The following TRPV2 variants were observed in gnomAD, a reference collection of about 807,000 sequenced individuals.
TRPV2 encodes the protein transient receptor potential cation channel subfamily V member 2, also known as OTRPC2.
TRPV2 carries 58 observed loss-of-function variants against 91.0 expected under a neutral mutation model. That is an observed-to-expected ratio of 0.64 (90% CI 0.52 to 0.79). The LOEUF (loss-of-function observed/expected upper bound fraction) is 0.79. Among genes scored for constraint, TRPV2 ranks in the 30% least tolerant of loss-of-function variants. The probability of loss-of-function intolerance (pLI) is 0.00; values close to 1 mark genes in which losing one functional copy is unlikely to be tolerated. For missense variants in TRPV2, 807 were observed against 969.6 expected (o/e 0.83, Z 2.23); for synonymous variants, 417 against 414.8 (o/e 1.01, Z -0.06).
At chr17:16,424,639 G>A (rs547337426) in intron 5 of TRPV2, among the ~76,000 whole-genome samples, 1 of 152,214 alleles carries the variant, frequency 6.6e-6, no homozygotes. Context: ...TCTTTATTAA[G>A]AGATAGCCTT....
rs777631418 is a variant in TRPV2, at chr17:16,422,647, A to G, written c.383A>G (p.Lys128Arg). 1 of 1,614,172 alleles carries G rather than the reference A, an allele frequency of 6.2e-7. No homozygotes were observed. The highest frequency in any genetic ancestry group is 2.2e-5 in the East Asian group (1 of 44,880). Residue 128 changes from lysine to arginine, a missense_variant, in exon 4 of 15, where the codon AAG becomes AGG. Lys to Arg is a conservative substitution (Grantham distance 26). Coordinates refer to ENST00000338560, the MANE Select transcript of TRPV2 (RefSeq NM_016113.5). ...TCLMKAVLNL[K>R]DGVNACILPL... Reference sequence around the variant, plus strand: ...CTGATGAAGGCTGTGCTGAACCTTAAGGACGGAGTCAATGCCTGCATTCTG... The same window carrying G: ...CTGATGAAGGCTGTGCTGAACCTTAGGGACGGAGTCAATGCCTGCATTCTG...
chr17:16,433,538 C>A lies in TRPV2; in HGVS notation c.1990-36C>A, dbSNP rs1284608912. The stretch of plus-strand genomic sequence containing the variant: ...TGTGCCTTTGCCCCCAGGCAGGGTC[C>A]CAGGACGTTCTGTCTGATGCATCCT... On this transcript the variant is annotated intron_variant, in intron 12 of 14. Coordinates refer to ENST00000338560, the MANE Select transcript of TRPV2 (RefSeq NM_016113.5). The A allele has an allele frequency of 2.5e-6, 4 of 1,608,974 alleles. No individual in the cohort carries two copies. In the African/African-American group the frequency reaches 4.0e-5, roughly 16 times the overall value.
In TRPV2 at chr17:16,431,721, G is replaced by T. The variant is rs143327564; in HGVS notation, c.1588-63G>T. On this transcript the variant is annotated intron_variant, in intron 10 of 14. Coordinates refer to ENST00000338560, the MANE Select transcript of TRPV2 (RefSeq NM_016113.5). ...AACCATGCTGCTGTGGGTGAGGCAG[G>T]GTTCTGGGGTCGTGACTGGTGGCCC... is the stretch of plus-strand genomic sequence containing the variant. 3.4e-6 allele frequency: 5 copies of T among 1,491,532 alleles called. No homozygotes were observed. In the African/African-American group the frequency reaches 4.2e-5, roughly 12 times the overall value. The allele number at this position is 1,491,532 out of a possible 1,614,324, so 92.4% of individuals were successfully genotyped here.
rs1211859492 is a variant in TRPV2 at position 16,428,994 on chromosome 17, G to T, written c.1587+12G>T. 3 of 1,613,674 alleles carry T rather than the reference G, an allele frequency of 1.9e-6. No individual in the cohort carries two copies. The highest frequency in any genetic ancestry group is 1.3e-5 in the African/African-American group (1 of 74,914). ...TCATGATCCAGAAGGTGAGAGAAGG[G>T]GGTGGCCCACCGGGACTCTTTTGGC... On this transcript the variant is annotated intron_variant, in intron 10 of 14. Transcript: ENST00000338560.
chr17:16,422,024 G>A (rs890831913), intron 3 of TRPV2, among the ~76,000 whole-genome samples: 6 of 151,766 alleles, frequency 4.0e-5, no homozygotes, highest in East Asian at 2.0e-4. Context: ...TAGTTTCTAA[G>A]CCGGGCGCAG....
intron 5 of TRPV2, among the ~76,000 whole-genome samples, chr17:16,424,715 T>C (rs528088062): frequency 4.6e-5 from 7 of 152,142 alleles, no homozygotes; most frequent in Non-Finnish European, 1.0e-4. Flanking sequence ...ATAATGAATT[T>C]AGTATTTTGT....
Position 16,426,726 on chromosome 17 carries a change from G to A in TRPV2, c.1100G>A (p.Arg367Gln), listed in dbSNP as rs777453602. 2.0e-5 allele frequency: 32 copies of A among 1,612,940 alleles called. No homozygotes were observed. The highest frequency in any genetic ancestry group is 2.5e-5 in the Non-Finnish European group (30 of 1,179,510). The change falls in exon 7 of 15, where the codon CGA (arginine) becomes CAA (glutamine). Residue 367 changes from arginine (R) to glutamine (Q), a missense_variant. By Grantham distance (43) the Arg-to-Gln change is conservative. Transcript: ENST00000338560. The surrounding 1 kb of genome is among the most constrained non-coding windows in gnomAD (Gnocchi z 6.0). ...GCTCTCCCCTCCCCACCCCAGCACC[G>A]ACACCGAATGGTCGTTTTGGAGCCC... is the stretch of plus-strand genomic sequence containing the variant. The part of the protein sequence containing the change: ...IIAFHCKSPH[R>Q]HRMVVLEPLN...
intron 10 of TRPV2, among the ~76,000 whole-genome samples, chr17:16,431,123 C>T (rs1251285439): frequency 1.3e-5 from 2 of 150,032 alleles, no homozygotes; most frequent in African/African-American, 2.5e-5. Flanking sequence ...ACGATCATAG[C>T]TCATTGCCGC....
In TRPV2 at chr17:16,434,874, G is replaced by A; in HGVS notation, c.2115-16G>A. 1 of 1,610,090 alleles carries A rather than the reference G, an allele frequency of 6.2e-7. No individual in the cohort carries two copies. Among genetic ancestry groups the A allele is most frequent in the Non-Finnish European group, 8.5e-7 (1 of 1,178,782 alleles). On this transcript the variant is annotated splice_polypyrimidine_tract_variant and intron_variant, in intron 13 of 14. Coordinates refer to ENST00000338560, the MANE Select transcript of TRPV2 (RefSeq NM_016113.5). ...GTCAAAGCAGGCAAACCTCAGAGCT[G>A]CTCTGTTGCCCTCAGGGTGGAGGAG...
rs375812537 is a variant in TRPV2 at position 16,431,932 on chromosome 17, C to T, written c.1655-34C>T. 8.1e-6 allele frequency: 13 copies of T among 1,611,674 alleles called. No homozygotes were observed. In the African/African-American group the frequency reaches 1.2e-4, roughly 15 times the overall value. On this transcript the variant is annotated intron_variant, in intron 11 of 14. Coordinates refer to ENST00000338560, the MANE Select transcript of TRPV2 (RefSeq NM_016113.5). ...ACTCCCAAGGCTGCCCACCGGTCTC[C>T]TGGGCTAAGGACCCCTCTCCCTTCA...
chr17:16,417,459 G>C (rs1009520626), intron 1 of TRPV2, 103 bp from the exon 2 acceptor site: 17 of 515,162 alleles, frequency 3.3e-5, no homozygotes, highest in African/African-American at 3.3e-4. Context: ...GGTCAGGCTG[G>C]TCTCTAACAG....
Position 16,426,079 on chromosome 17 carries a change from C to T in TRPV2, c.925-20C>T. On this transcript the variant is annotated intron_variant, in intron 5 of 14. Coordinates refer to ENST00000338560, the MANE Select transcript of TRPV2 (RefSeq NM_016113.5). This position sits in a 1 kb window ranked among gnomAD's most constrained non-coding sequence, Gnocchi z 6.0. ...GCCAGGAAGGGACCATGAATGCAAG[C>T]TCATATGGCCACCCTGCAGATTTTC... 1.2e-6 allele frequency: 2 copies of T among 1,613,742 alleles called. No homozygotes were observed. Among genetic ancestry groups the T allele is most frequent in the Non-Finnish European group, 1.7e-6 (2 of 1,179,714 alleles).
intron 4 of TRPV2, 134 bp downstream of exon 4, chr17:16,423,023 T>C (rs904067954): frequency 1.0e-4 from 113 of 1,115,366 alleles, no homozygotes; most frequent in Non-Finnish European, 1.2e-5. Context: ...TTCTAACCAC[T>C]AGGCTGCCTG....
chr17:16,419,968 G>C, intron 2 of TRPV2, 147 bp from the exon 3 acceptor site: 2 of 1,162,566 alleles, frequency 1.7e-6, no homozygotes, highest in Non-Finnish European at 2.4e-6. Flanking sequence ...GAGGATAGAG[G>C]CCCTCAGAAG....
In TRPV2 at chr17:16,423,640, T is replaced by C; in HGVS notation, c.797T>C (p.Val266Ala). ...AACTCAGCTGAGAACATTGCACTGGTGACCAGCATGTATGATGGGCTCCTC... is the reference window on the plus strand; with the variant it reads ...AACTCAGCTGAGAACATTGCACTGGCGACCAGCATGTATGATGGGCTCCTC... ...SDNSAENIAL[V>A]TSMYDGLLQA... Residue 266 changes from valine to alanine, a missense_variant, in exon 5 of 15, where the codon GTG becomes GCG. Physicochemically the swap from Val to Ala is moderately conservative, Grantham distance 64. Transcript: ENST00000338560. 2 of 1,614,176 alleles carry C rather than the reference T, an allele frequency of 1.2e-6. No homozygotes were observed. Among genetic ancestry groups the C allele is most frequent in the Admixed American group, 1.7e-5 (1 of 60,028 alleles).
Position 16,431,869 on chromosome 17 carries a change from C to G in TRPV2, c.1654+19C>G, listed in dbSNP as rs1238083635. The G allele has an allele frequency of 1.2e-6, 2 of 1,613,996 alleles. No individual in the cohort carries two copies. The highest frequency in any genetic ancestry group is 1.6e-4 in the Middle Eastern group (1 of 6,062). ...GCTGTAGGTAAAGGCTCCCTCCGGC[C>G]CCCTCCCCCTTCCCCACGTTCCTTG... On this transcript the variant is annotated intron_variant, in intron 11 of 14. Coordinates refer to ENST00000338560, the MANE Select transcript of TRPV2 (RefSeq NM_016113.5).
chr17:16,434,866 T>G (rs771288513), intron 13 of TRPV2, 24 bp from the exon 14 acceptor site: 2 of 1,607,940 alleles, frequency 1.2e-6, no homozygotes, highest in Non-Finnish European at 1.7e-6. Context: ...CAGGCAAACC[T>G]CAGAGCTGCT....
intron 13 of TRPV2, among the ~76,000 whole-genome samples, chr17:16,433,974 G>A (rs12602006): frequency 0.58 from 88,465 of 152,056 alleles, 26,711 homozygotes; most frequent in Non-Finnish European, 0.67. Context: ...AATGTGTTAC[G>A]GTAAGGAGGC....
In TRPV2 at chr17:16,426,669, C is replaced by A; in HGVS notation, c.1096-53C>A. The A allele has an allele frequency of 6.4e-7, 1 of 1,571,252 alleles. No individual in the cohort carries two copies. Among genetic ancestry groups the A allele is most frequent in the African/African-American group, 1.4e-5 (1 of 74,068 alleles). On this transcript the variant is annotated intron_variant, in intron 6 of 14. Coordinates refer to ENST00000338560, the MANE Select transcript of TRPV2 (RefSeq NM_016113.5). The surrounding 1 kb of genome is among the most constrained non-coding windows in gnomAD (Gnocchi z 6.0). ...TGCTTTGATCTTGACATGGAGTGGG[C>A]AGCCTATTTGCACTTGTTGAGTGTA...
Sources: allele counts gnomAD v4.1 joint callset (sites outside exome capture counted in the v4.1 genomes callset), GRCh38; gene constraint gnomAD v4.1.1; non-coding constraint Gnocchi (gnomAD v3.1); transcripts MANE v1.5; gene names NCBI Gene and HGNC (gene_info 2026-07-23, HGNC 2026-07-21).